The following CHRNB3 variants were observed in gnomAD, a reference collection of about 807,000 sequenced individuals.
CHRNB3 encodes the protein neuronal acetylcholine receptor subunit beta-3.
CHRNB3 carries 37 observed loss-of-function variants against 40.6 expected under a neutral mutation model. The observed-to-expected ratio is 0.91, with a 90% CI of 0.70 to 1.20. The LOEUF is 1.20. Ranked by LOEUF, CHRNB3 falls within the 50% of genes most tolerant of loss-of-function variation. CHRNB3 has a pLI of 0.00. For synonymous variants in CHRNB3, 207 were observed against 207.1 expected (o/e 1.00, Z 0.00); for missense variants, 505 against 551.2 (o/e 0.92, Z 0.84).
chr8:42,712,707 T>C (rs1466017642), intron 3 of CHRNB3, among the ~76,000 whole-genome samples: 2 of 152,134 alleles, frequency 1.3e-5, no homozygotes, highest in East Asian at 3.8e-4. Context: ...TTTGAGTTGA[T>C]AAAGGCCAAG....
rs1383090667 is a variant in CHRNB3, at chr8:42,731,762, C to T, written c.455C>T (p.Ser152Phe). The T allele has an allele frequency of 1.2e-6, 2 of 1,614,070 alleles. No individual in the cohort carries two copies. The highest frequency in any genetic ancestry group is 2.2e-5 in the East Asian group (1 of 44,890). The change falls in exon 5 of 6, where the codon TCC becomes TTC. Residue 152 changes from serine (S) to phenylalanine (F), a missense_variant. Coordinates refer to ENST00000289957, the MANE Select transcript of CHRNB3 (RefSeq NM_000749.5). Reference sequence around the variant, plus strand: ...ACCCCTCCCGCCAGCTACAAAAGCTCCTGCACCATGGACGTCACGTTTTTC... The same window carrying T: ...ACCCCTCCCGCCAGCTACAAAAGCTTCTGCACCATGGACGTCACGTTTTTC... ...VWTPPASYKS[S>F]CTMDVTFFPF...
chr8:42,712,302 T>A (rs1816029732), intron 3 of CHRNB3, among the ~76,000 whole-genome samples: 2 of 152,188 alleles, frequency 1.3e-5, no homozygotes, highest in African/African-American at 4.8e-5. Context: ...CTAAGTATTT[T>A]GTCCAGATAT....
rs1286458230 is a variant in CHRNB3 at position 42,730,629 on chromosome 8, T to C, written c.285T>C (p.Asp95=). ...WTDHKLRWNP[D]DYGGIHSIKV... is the part of the protein sequence containing the mutation. Reference sequence around the variant, plus strand: ...ACCACAAGTTACGCTGGAATCCTGATGATTATGGTGGGATCCATTCCATTA... The same window carrying C: ...ACCACAAGTTACGCTGGAATCCTGACGATTATGGTGGGATCCATTCCATTA... The change falls in exon 4 of 6, where the codon GAT becomes GAC. Residue 95 remains aspartate (D), a synonymous_variant. Transcript: ENST00000289957. 1.2e-6 allele frequency: 2 copies of C among 1,608,028 alleles called. No individual in the cohort carries two copies. The highest frequency in any genetic ancestry group is 1.1e-5 in the South Asian group (1 of 90,098).
chr8:42,725,194 A>G (rs1211146501), intron 3 of CHRNB3, among the ~76,000 whole-genome samples: 1 of 149,986 alleles, frequency 6.7e-6, no homozygotes, highest in Non-Finnish European at 1.5e-5. Flanking sequence ...GGTTCTAGCA[A>G]TTCTCCTGCC....
intron 3 of CHRNB3, among the ~76,000 whole-genome samples, chr8:42,722,344 G>T (rs1447100273): frequency 6.6e-6 from 1 of 151,438 alleles, no homozygotes; most frequent in East Asian, 1.9e-4. Flanking sequence ...CAGCCTGGGC[G>T]ACAGAGTGAG....
intron 1 of CHRNB3, among the ~76,000 whole-genome samples, chr8:42,701,159 C>G (rs1253285927): frequency 7.4e-6 from 1 of 134,624 alleles, no homozygotes; most frequent in South Asian, 2.4e-4. Context: ...ACCAGGGAGT[C>G]GGAGGTTGCA....
chr8:42,711,202 C>T (rs551288024), intron 3 of CHRNB3, among the ~76,000 whole-genome samples: 3 of 151,906 alleles, frequency 2.0e-5, no homozygotes, highest in South Asian at 4.2e-4. Flanking sequence ...CCCAGCTATT[C>T]GGGAGGCTGA....
At chr8:42,725,089 C>CT (rs572194650) in intron 3 of CHRNB3, among the ~76,000 whole-genome samples, 1,411 of 136,448 alleles carry the variant, frequency 0.01, 26 homozygotes, top group Middle Eastern at 0.027. Flanking sequence ...TTCTTTCTTT[C>CT]TTTTTTTTTT....
At chr8:42,732,581 C>G (rs1477128810) in intron 5 of CHRNB3, 32 bp downstream of exon 5, 1 of 1,532,356 alleles carries the variant, frequency 6.5e-7, no homozygotes, top group South Asian at 1.3e-5. Flanking sequence ...ATAATGCTGC[C>G]GTAAAGGTAG....
intron 5 of CHRNB3, among the ~76,000 whole-genome samples, chr8:42,736,209 T>A (rs576556016): frequency 6.6e-6 from 1 of 152,272 alleles, no homozygotes; most frequent in African/African-American, 2.4e-5. Flanking sequence ...CTTTTCCTAT[T>A]CTGATCAGGA....
rs71221230 is a variant in CHRNB3, at chr8:42,717,403, A to AAAAAAAAAAAAAAAAAAAAAAAAAAAAG, written c.249+6971_249+6972insAAAAAAAAAAAAAAAAAAAAAAAAAGAA. Among the ~76,000 whole-genome samples the AAAAAAAAAAAAAAAAAAAAAAAAAAAAG allele has an allele frequency of 4.3e-4, 22 of 50,906 alleles. 9 individuals carry two copies. Among genetic ancestry groups the AAAAAAAAAAAAAAAAAAAAAAAAAAAAG allele is most frequent in the Admixed American group, 5.4e-4 (2 of 3,730 alleles). 33.4% of individuals were successfully genotyped at this position (50,906 alleles called of 152,430 possible). ...AAAAAAAAAAAAAAAAAAAAAAAAA[A>AAAAAAAAAAAAAAAAAAAAAAAAAAAAG]AAGCCGACCTGTTGTGGAAAGGTCA... On this transcript the variant is annotated intron_variant, in intron 3 of 5. Transcript: ENST00000289957.
chr8:42,727,649 G>A (rs1469598543), intron 3 of CHRNB3, among the ~76,000 whole-genome samples: 1 of 152,060 alleles, frequency 6.6e-6, no homozygotes, highest in Admixed American at 6.6e-5. Context: ...TGGGCCACGA[G>A]GTCAAGAGAT....
intron 2 of CHRNB3, 90 bp from the exon 3 acceptor site, chr8:42,710,300 A>G (rs1815992801): frequency 3.0e-6 from 3 of 1,014,720 alleles, no homozygotes; most frequent in East Asian, 2.6e-5. Flanking sequence ...CCTGGGCAAC[A>G]TCTTGAGATC....
intron 5 of CHRNB3, 90 bp from the exon 6 acceptor site, chr8:42,736,394 T>A: frequency 6.8e-7 from 1 of 1,470,382 alleles, no homozygotes; most frequent in Non-Finnish European, 9.3e-7. Flanking sequence ...ATGCTATAAA[T>A]CTGAATGTTA....
chr8:42,703,435 A>AAAAAAAAAAATATATAT lies in CHRNB3; in HGVS notation c.53-5281_53-5280insAAAAAAAAATATATATA. Among the ~76,000 whole-genome samples the AAAAAAAAAAATATATAT allele has an allele frequency of 5.1e-4, 24 of 47,390 alleles. 3 individuals carry two copies. Among genetic ancestry groups the AAAAAAAAAAATATATAT allele is most frequent in the Admixed American group, 1.2e-3 (5 of 4,304 alleles). 31.1% of individuals were successfully genotyped at this position (47,390 alleles called of 152,430 possible). A position where few individuals can be genotyped will look rare whatever the true frequency, so the allele number is the denominator to read the frequency against. ...CAAGACTTCGTCTAAAAAAAAAAAA[A>AAAAAAAAAAATATATAT]ATATTTATATATATATATATATATA... On this transcript the variant is annotated intron_variant, in intron 1 of 5. Transcript: ENST00000289957.
At chr8:42,724,999 A>G (rs975357135) in intron 3 of CHRNB3, among the ~76,000 whole-genome samples, 10 of 152,014 alleles carry the variant, frequency 6.6e-5, no homozygotes, top group African/African-American at 2.2e-4. Flanking sequence ...ACAAAAAAAG[A>G]AAACACTGGA....
chr8:42,701,511 C>T (rs144191880), intron 1 of CHRNB3, among the ~76,000 whole-genome samples: 1,720 of 152,132 alleles, frequency 0.011, 37 homozygotes, highest in African/African-American at 0.04. Flanking sequence ...GCCACTGCAC[C>T]CCAGCTGGCA....
intron 1 of CHRNB3, among the ~76,000 whole-genome samples, chr8:42,703,440 T>TATATATATACATA (rs1554589400): frequency 1.2e-5 from 1 of 80,698 alleles, no homozygotes; most frequent in Admixed American, 1.6e-4. Flanking sequence ...AAAAAAATAT[T>TATATATATACATA]TATATATATA....
intron 1 of CHRNB3, among the ~76,000 whole-genome samples, chr8:42,701,705 A>G (rs1174781133): frequency 6.6e-6 from 1 of 152,234 alleles, no homozygotes; most frequent in East Asian, 1.9e-4. Flanking sequence ...TGTCTCTCCA[A>G]TCCCCTGGTA....
Sources: allele counts gnomAD v4.1 joint callset (sites outside exome capture counted in the v4.1 genomes callset), GRCh38; gene constraint gnomAD v4.1.1; transcripts MANE v1.5; gene names NCBI Gene and HGNC (gene_info 2026-07-23, HGNC 2026-07-21).